RNF166: variants seen among roughly 807,000 people sequenced by gnomAD.
The protein encoded by RNF166 is ring finger protein 166, also known as E3 ubiquitin-protein ligase RNF166.
Under a neutral mutation model 29.4 loss-of-function variants are expected in RNF166, and 19 were observed. The observed-to-expected ratio is 0.65, with a 90% CI of 0.45 to 0.95. RNF166 has a LOEUF of 0.95. Among genes scored for constraint, RNF166 ranks in the 40% least tolerant of loss-of-function variants. The probability of loss-of-function intolerance (pLI) is 0.00; values close to 1 mark genes in which losing one functional copy is unlikely to be tolerated. For synonymous variants in RNF166, 171 were observed against 134.5 expected (o/e 1.27, Z -1.88); for missense variants, 347 against 322.1 (o/e 1.08, Z -0.59).
chr16:88,699,736 G>A lies in RNF166; in HGVS notation c.313-4C>T, dbSNP rs769976883. 1 of 1,610,774 alleles carries A rather than the reference G, an allele frequency of 6.2e-7. No homozygotes were observed. The highest frequency in any genetic ancestry group is 8.5e-7 in the Non-Finnish European group (1 of 1,178,380). On this transcript the variant is annotated splice_polypyrimidine_tract_variant and splice_region_variant and intron_variant, in intron 2 of 5. Coordinates refer to ENST00000312838, the MANE Select transcript of RNF166 (RefSeq NM_178841.4). ...CTCTCATCTTTGCCAGGGTCACCTAGGAGACAGGGCAGGGAGGGCAAGGCG... is the reference window on the plus strand; with the variant it reads ...CTCTCATCTTTGCCAGGGTCACCTAAGAGACAGGGCAGGGAGGGCAAGGCG...
intron 5 of RNF166, chr16:88,697,852 C>T (rs1032213346): frequency 1.9e-6 from 1 of 525,246 alleles, no homozygotes; most frequent in East Asian, 3.2e-5. Context: ...TACGGGGGCA[C>T]TCGGAATGGA....
At chr16:88,704,126 A>AAGTT in intron 1 of RNF166, 1 of 985,458 alleles carries the variant, frequency 1.0e-6, no homozygotes, top group African/African-American at 1.7e-5. Context: ...CTGGAGGAGG[A>AAGTT]AGTTGCTCTG....
chr16:88,705,919 C>T (rs954114139), intron 1 of RNF166, among the ~76,000 whole-genome samples: 1 of 152,042 alleles, frequency 6.6e-6, no homozygotes, highest in Non-Finnish European at 1.5e-5. Context: ...GCAGGTCGCC[C>T]GGTGAACCGA....
intron 1 of RNF166, 22 bp downstream of exon 1, chr16:88,706,149 G>A: frequency 8.6e-7 from 1 of 1,168,944 alleles, no homozygotes; most frequent in Non-Finnish European, 1.0e-6. Flanking sequence ...CCTCCCCGCG[G>A]CCCCTGGGCG....
intron 1 of RNF166, chr16:88,703,323 G>A (rs1489484665): frequency 1.4e-5 from 14 of 985,384 alleles, no homozygotes; most frequent in Non-Finnish European, 1.7e-5. Context: ...TGAGCTGCCA[G>A]AGACCAGGCC....
intron 1 of RNF166, 38 bp downstream of exon 1, chr16:88,706,133 C>A: frequency 8.8e-7 from 1 of 1,130,854 alleles, no homozygotes; most frequent in Non-Finnish European, 1.1e-6. Context: ...CGGCGGGGCA[C>A]GGCCCCCTCC....
Position 88,696,583 on chromosome 16 carries a change from C to G in RNF166, c.*985G>C, listed in dbSNP as rs1217587005. 1.5e-5 allele frequency: 7 copies of G among 453,482 alleles called. No individual in the cohort carries two copies. The highest frequency in any genetic ancestry group is 3.1e-5 in the Non-Finnish European group (7 of 226,268). 28.1% of individuals were successfully genotyped at this position (453,482 alleles called of 1,614,324 possible). Reference sequence around the variant, plus strand: ...TGCCAAGAACAGAAAAGAATGTTGACGTGTTGCCCGGCCCGCCAAGCGGGC... The same window carrying G: ...TGCCAAGAACAGAAAAGAATGTTGAGGTGTTGCCCGGCCCGCCAAGCGGGC... On this transcript the variant is annotated 3_prime_UTR_variant, in exon 6 of 6. Coordinates refer to ENST00000312838, the MANE Select transcript of RNF166 (RefSeq NM_178841.4).
In RNF166 at chr16:88,699,748, G is replaced by T; in HGVS notation, c.313-16C>A. On this transcript the variant is annotated splice_polypyrimidine_tract_variant and intron_variant, in intron 2 of 5. Transcript: ENST00000312838. Reference sequence around the variant, plus strand: ...CCAGGGTCACCTAGGAGACAGGGCAGGGAGGGCAAGGCGGTCCTGAGAATC... The same window carrying T: ...CCAGGGTCACCTAGGAGACAGGGCATGGAGGGCAAGGCGGTCCTGAGAATC... The T allele has an allele frequency of 6.3e-7, 1 of 1,599,026 alleles. No homozygotes were observed. Among genetic ancestry groups the T allele is most frequent in the Non-Finnish European group, 8.6e-7 (1 of 1,168,734 alleles).
At chr16:88,704,086 C>T (rs987651644) in intron 1 of RNF166, 10 of 983,742 alleles carry the variant, frequency 1.0e-5, no homozygotes, top group African/African-American at 3.5e-5. Context: ...TGCCCCCACA[C>T]TGGGATACTC....
intron 1 of RNF166, chr16:88,702,730 A>C (rs1406304551): frequency 1.0e-6 from 1 of 985,278 alleles, no homozygotes; most frequent in African/African-American, 1.7e-5. Flanking sequence ...GAAAGTGAAC[A>C]AGCCTTTTTC....
chr16:88,697,544 G>A lies in RNF166; in HGVS notation c.*24C>T, dbSNP rs532078113. On this transcript the variant is annotated 3_prime_UTR_variant, in exon 6 of 6. Coordinates refer to ENST00000312838, the MANE Select transcript of RNF166 (RefSeq NM_178841.4). ...AGCGGGGACATCCCTGACCCCAGAC[G>A]CAGGCGGGTGGCTGCGCTTCCCTTC... The A allele has an allele frequency of 4.8e-4, 739 of 1,537,000 alleles. 4 individuals are homozygous for A. The South Asian group carries it at 8.5e-3, about 18-fold the overall frequency.
chr16:88,702,385 C>T (rs1489763265), intron 1 of RNF166, among the ~76,000 whole-genome samples: 1 of 152,182 alleles, frequency 6.6e-6, no homozygotes, highest in Non-Finnish European at 1.5e-5. Flanking sequence ...TGTAGCTTCC[C>T]TTCTCCCTGG....
Position 88,698,592 on chromosome 16 carries a change from C to G in RNF166, c.558G>C (p.Ser186=), listed in dbSNP as rs147902671. The change falls in exon 5 of 6, where the codon TCG becomes TCC. Residue 186 remains serine (S), a synonymous_variant. Coordinates refer to ENST00000312838, the MANE Select transcript of RNF166 (RefSeq NM_178841.4). The part of the protein sequence containing the change: ...DPNRVVCPIC[S]AMPWGDPSYK... ...AGCTGGGGTCCCCCCAGGGCATTGC[C>G]GAGCAGATGGGGCACACCTGGAACA... The G allele has an allele frequency of 6.5e-7, 1 of 1,538,300 alleles. No individual in the cohort carries two copies. The highest frequency in any genetic ancestry group is 8.8e-7 in the Non-Finnish European group (1 of 1,139,286).
At position 88,701,146 on chromosome 16, in the gene RNF166, C is replaced by T. The variant is rs751167693; in HGVS notation, c.312+116G>A. On this transcript the variant is annotated intron_variant, in intron 2 of 5. Transcript: ENST00000312838. Reference sequence around the variant, plus strand: ...GGCTTCCTGGTGCAGGAGCAGAGACCGCGATTACTCAACAGGAAAGAGAGA... The same window carrying T: ...GGCTTCCTGGTGCAGGAGCAGAGACTGCGATTACTCAACAGGAAAGAGAGA... 96 of 1,371,748 alleles carry T rather than the reference C, an allele frequency of 7.0e-5. No individual in the cohort carries two copies. The South Asian group carries it at 8.0e-4, about 11-fold the overall frequency. The allele number at this position is 1,371,748 out of a possible 1,614,324, so 85.0% of individuals were successfully genotyped here.
chr16:88,700,268 G>A (rs1318692487), intron 2 of RNF166, among the ~76,000 whole-genome samples: 1 of 152,186 alleles, frequency 6.6e-6, no homozygotes, highest in Non-Finnish European at 1.5e-5. Flanking sequence ...GACTCCGAGG[G>A]ATGCACCACA....
chr16:88,701,228 C>T (rs1371255967), intron 2 of RNF166, 34 bp downstream of exon 2: 2 of 1,612,660 alleles, frequency 1.2e-6, no homozygotes, highest in Non-Finnish European at 1.7e-6. Flanking sequence ...CATCAAGTGA[C>T]CCCGGCTCCA....
At chr16:88,700,716 C>T (rs553425254) in intron 2 of RNF166, 13 of 988,026 alleles carry the variant, frequency 1.3e-5, no homozygotes, top group East Asian at 1.1e-4. Context: ...CCACGGGGCA[C>T]GGGCCAGGCA....
Position 88,704,974 on chromosome 16 carries a change from G to A in RNF166, c.155+1197C>T, listed in dbSNP as rs566893866. On this transcript the variant is annotated intron_variant, in intron 1 of 5. Coordinates refer to ENST00000312838, the MANE Select transcript of RNF166 (RefSeq NM_178841.4). The stretch of plus-strand genomic sequence containing the variant: ...CACTGCACTCCAGGCTGGGTGACAA[G>A]AGCAAGACTCTGTCTCAAAAAAAAA... Among the ~76,000 whole-genome samples, 364 of 152,304 alleles carry A rather than the reference G, an allele frequency of 2.4e-3. 2 individuals carry two copies. Among genetic ancestry groups the A allele is most frequent in the African/African-American group, 8.2e-3 (342 of 41,574 alleles).
intron 2 of RNF166, 24 bp downstream of exon 2, chr16:88,701,238 A>T (rs1277616563): frequency 8.1e-6 from 13 of 1,613,152 alleles, no homozygotes; most frequent in Non-Finnish European, 1.1e-5. Context: ...CCCCGGCTCC[A>T]GGGCGGCCCA....
Sources: gnomAD v4.1 joint callset for allele counts (sites outside exome capture counted in the v4.1 genomes callset) on GRCh38, gnomAD v4.1.1 for gene constraint, MANE v1.5 for transcripts, NCBI Gene and HGNC (gene_info 2026-07-23, HGNC 2026-07-21) for gene names.